The following MUC7 variants were observed in gnomAD, a reference collection of about 807,000 sequenced individuals.
MUC7 encodes mucin-7.
MUC7 carries 2 observed loss-of-function variants against 2.5 expected under a neutral mutation model. The ratio of observed to expected loss-of-function variants is 0.81; its 90% CI spans 0.33 to 2.55. The LOEUF is 2.55. Ranked by LOEUF, MUC7 falls within the 30% of genes most tolerant of loss-of-function variation. The pLI is 0.11. For missense variants in MUC7, 408 were observed against 455.6 expected (o/e 0.90, Z 0.95); for synonymous variants, 133 against 173.4 (o/e 0.77, Z 1.83).
At chr4:70,479,833 G>A (rs1000890125) in intron 2 of MUC7, among the ~76,000 whole-genome samples, 1 of 152,090 alleles carries the variant, frequency 6.6e-6, no homozygotes, top group Non-Finnish European at 1.5e-5. Flanking sequence ...AACAAAATTA[G>A]GACCAAAGGA....
chr4:70,480,801 C>A lies in MUC7; in HGVS notation c.57C>A (p.Phe19Leu), dbSNP rs749987052. The A allele has an allele frequency of 6.2e-7, 1 of 1,611,800 alleles. No homozygotes were observed. ...CICALSACFS[F>L]SEGRERDHEL... ...TACATTTTCTTTCTTTTCTGCAGTT[C>A]AGTGAAGGTCGAGAAAGGGATCATG... The change falls in exon 3 of 3, where the codon TTC becomes TTA. Residue 19 changes from phenylalanine to leucine, a missense_variant and splice_region_variant. Physicochemically the swap from Phe to Leu is conservative, Grantham distance 22. Transcript: ENST00000304887.
chr4:70,431,324 T>C (rs1733658690), intron 1 of MUC7, among the ~76,000 whole-genome samples: 1 of 152,162 alleles, frequency 6.6e-6, no homozygotes, highest in Non-Finnish European at 1.5e-5. Flanking sequence ...TCAACAAAAC[T>C]GTGTTTAGTG....
chr4:70,468,896 G>GA (rs1245682753), upstream of MUC7, among the ~76,000 whole-genome samples: 1 of 151,954 alleles, frequency 6.6e-6, no homozygotes, highest in Non-Finnish European at 1.5e-5. Flanking sequence ...CACAGAATTA[G>GA]AAAAAAACCA....
chr4:70,476,428 C>T (rs1735003343), intron 2 of MUC7, among the ~76,000 whole-genome samples: 1 of 152,112 alleles, frequency 6.6e-6, no homozygotes, highest in African/African-American at 2.4e-5. Flanking sequence ...TCCTTTCTTC[C>T]AAGTGCTTAG....
At chr4:70,457,336 C>T (rs1395556553) in intron 1 of MUC7, among the ~76,000 whole-genome samples, 1 of 151,994 alleles carries the variant, frequency 6.6e-6, no homozygotes, top group Non-Finnish European at 1.5e-5. Flanking sequence ...GTTCCAGCTA[C>T]TCAAAAGACA....
intron 1 of MUC7, among the ~76,000 whole-genome samples, chr4:70,473,152 C>T (rs1457498807): frequency 6.6e-6 from 1 of 152,012 alleles, no homozygotes; most frequent in East Asian, 1.9e-4. Context: ...AAAAGGGTAT[C>T]GGCCAGACAC....
At chr4:70,436,469 C>G (rs1396349848) in intron 1 of MUC7, among the ~76,000 whole-genome samples, 3 of 152,082 alleles carry the variant, frequency 2.0e-5, no homozygotes, top group Admixed American at 1.3e-4. Context: ...ATCATTGATA[C>G]CCTTCCTTCG....
At chr4:70,445,729 G>A (rs771875879) in intron 1 of MUC7, among the ~76,000 whole-genome samples, 5 of 152,264 alleles carry the variant, frequency 3.3e-5, no homozygotes, top group Middle Eastern at 3.4e-3. Flanking sequence ...AAAGAGGTTC[G>A]TATAATAGAC....
intron 1 of MUC7, among the ~76,000 whole-genome samples, chr4:70,444,789 C>T (rs1303399136): frequency 2.6e-5 from 4 of 152,256 alleles, no homozygotes; most frequent in Middle Eastern, 3.4e-3. Flanking sequence ...CGGTGGCTCA[C>T]ACCTGTAATC....
intron 1 of MUC7, among the ~76,000 whole-genome samples, chr4:70,473,457 A>G (rs1463338511): frequency 6.7e-6 from 1 of 148,558 alleles, no homozygotes; most frequent in Non-Finnish European, 1.5e-5. Flanking sequence ...AAAAAAAAAA[A>G]GGTACAAGAA....
chr4:70,459,141 A>T (rs950885690), intron 1 of MUC7, among the ~76,000 whole-genome samples: 17 of 152,202 alleles, frequency 1.1e-4, no homozygotes, highest in African/African-American at 3.9e-4. Context: ...GATACAGAGA[A>T]TCTGGGTAGC....
At chr4:70,475,934 G>A (rs986487702) in intron 2 of MUC7, among the ~76,000 whole-genome samples, 18 of 151,992 alleles carry the variant, frequency 1.2e-4, no homozygotes, top group South Asian at 2.1e-4. Flanking sequence ...GCTTTTTCCC[G>A]GACCCTAATG....
intron 1 of MUC7, among the ~76,000 whole-genome samples, chr4:70,431,380 C>G (rs1733660210): frequency 6.6e-6 from 1 of 151,720 alleles, no homozygotes; most frequent in African/African-American, 2.4e-5. Flanking sequence ...AATACAGATA[C>G]AAACAATAAA....
intron 1 of MUC7, among the ~76,000 whole-genome samples, chr4:70,457,311 T>C (rs965258830): frequency 6.6e-6 from 1 of 152,066 alleles, no homozygotes; most frequent in Admixed American, 6.6e-5. Context: ...CCAGGTGTGA[T>C]GGTGCATGAC....
intron 1 of MUC7, among the ~76,000 whole-genome samples, chr4:70,431,481 GT>G (rs894006692): frequency 5.3e-4 from 80 of 151,344 alleles, no homozygotes; most frequent in African/African-American, 1.7e-3. Flanking sequence ...CTACTAGTGG[GT>G]TTTTTTTGGG....
At chr4:70,431,489 TG>T (rs997865072) in intron 1 of MUC7, among the ~76,000 whole-genome samples, 6 of 151,896 alleles carry the variant, frequency 4.0e-5, no homozygotes, top group Admixed American at 6.6e-5. Flanking sequence ...GGGTTTTTTT[TG>T]GGGGGGTGGG....
At chr4:70,477,772 T>C (rs1184154504) in intron 2 of MUC7, among the ~76,000 whole-genome samples, 1 of 152,158 alleles carries the variant, frequency 6.6e-6, no homozygotes, top group African/African-American at 2.4e-5. Context: ...TACTAAGAAA[T>C]TAAATAAATT....
intron 1 of MUC7, among the ~76,000 whole-genome samples, chr4:70,439,521 T>C (rs1560544768): frequency 6.6e-6 from 1 of 152,210 alleles, no homozygotes; most frequent in Non-Finnish European, 1.5e-5. Context: ...CATCATTTAG[T>C]TCATCATACC....
At chr4:70,458,273 C>T (rs1734461697) in intron 1 of MUC7, among the ~76,000 whole-genome samples, 1 of 151,906 alleles carries the variant, frequency 6.6e-6, no homozygotes, top group African/African-American at 2.4e-5. Flanking sequence ...TCTACTTATT[C>T]ATAATTTAAA....
Sources: gnomAD v4.1 joint callset for allele counts (sites outside exome capture counted in the v4.1 genomes callset) on GRCh38, gnomAD v4.1.1 for gene constraint, MANE v1.5 for transcripts, NCBI Gene and HGNC (gene_info 2026-07-23, HGNC 2026-07-21) for gene names.